LRP1B: variants seen among roughly 807,000 people sequenced by gnomAD.
LRP1B encodes the protein low-density lipoprotein receptor-related protein 1B.
A neutral mutation model predicts 556.6 loss-of-function variants in LRP1B; 217 were observed. The ratio of observed to expected loss-of-function variants is 0.39; its 90% CI spans 0.35 to 0.44. The LOEUF (loss-of-function observed/expected upper bound fraction) is 0.44. Among genes scored for constraint, LRP1B ranks in the 20% least tolerant of loss-of-function variants. LRP1B has a pLI of 1.00. For missense variants in LRP1B, 5,053 were observed against 5,620.8 expected, an observed-to-expected ratio of 0.90 and a Z score of 3.23; for synonymous variants, 2,047 against 1,865.8, an observed-to-expected ratio of 1.10 and a Z score of -2.50.
At chr2:141,094,299 A>G (rs1362898972) in intron 7 of LRP1B, among the ~76,000 whole-genome samples, 2 of 152,166 alleles carry the variant, frequency 1.3e-5, no homozygotes, top group African/African-American at 4.8e-5. Flanking sequence ...TAAACATAGT[A>G]TTTTAACCTT....
At chr2:142,014,884 C>A (rs1703071607) in intron 1 of LRP1B, among the ~76,000 whole-genome samples, 1 of 152,134 alleles carries the variant, frequency 6.6e-6, no homozygotes, top group Non-Finnish European at 1.5e-5. Context: ...GATATATTCA[C>A]TGACCCCTGG....
chr2:140,575,103 T>C (rs1426840653), intron 43 of LRP1B, among the ~76,000 whole-genome samples: 1 of 152,150 alleles, frequency 6.6e-6, no homozygotes, highest in African/African-American at 2.4e-5. Flanking sequence ...GCTTTATAAC[T>C]GAACATTACT....
chr2:140,306,503 C>T (rs1026812321), intron 83 of LRP1B, among the ~76,000 whole-genome samples: 24 of 151,830 alleles, frequency 1.6e-4, no homozygotes, highest in South Asian at 2.1e-4. Flanking sequence ...GGTGATATCC[C>T]CTTTATTGTT....
chr2:141,495,077 C>T lies in LRP1B; in HGVS notation c.206-14544G>A, dbSNP rs139263675. On this transcript the variant is annotated intron_variant, in intron 2 of 90. Transcript: ENST00000389484. ...AACTGTAACAATAGAAAGATTTTTC[C>T]GGTTATCTATGTTGTAGGCTATAAA... is the stretch of plus-strand genomic sequence containing the variant. 1.3e-4 allele frequency among the ~76,000 whole-genome samples: 19 copies of T among 151,964 alleles called. No homozygotes were observed. The South Asian group carries it at 1.7e-3, about 13-fold the overall frequency.
At chr2:142,019,948 A>T (rs1417877874) in intron 1 of LRP1B, among the ~76,000 whole-genome samples, 1 of 152,104 alleles carries the variant, frequency 6.6e-6, no homozygotes, top group Non-Finnish European at 1.5e-5. Flanking sequence ...CATGGCTACA[A>T]TTTCTAATTA....
At chr2:141,143,675 C>T (rs1701712186) in intron 7 of LRP1B, among the ~76,000 whole-genome samples, 1 of 152,102 alleles carries the variant, frequency 6.6e-6, no homozygotes, top group Admixed American at 6.6e-5. Context: ...TTCATCAGAA[C>T]TGCCTTTTCT....
At chr2:141,058,561 A>G (rs1442932139) in intron 9 of LRP1B, among the ~76,000 whole-genome samples, 2 of 151,996 alleles carry the variant, frequency 1.3e-5, no homozygotes, top group South Asian at 4.1e-4. Flanking sequence ...TTTGTCTACC[A>G]AAATGATATT....
At chr2:140,316,959 G>A (rs558990022) in intron 82 of LRP1B, among the ~76,000 whole-genome samples, 3 of 152,058 alleles carry the variant, frequency 2.0e-5, no homozygotes, top group Non-Finnish European at 2.9e-5. Context: ...TAAGCAAGTA[G>A]CATTCTTATT....
At chr2:140,304,804 C>A (rs1423597722) in intron 83 of LRP1B, among the ~76,000 whole-genome samples, 1 of 152,130 alleles carries the variant, frequency 6.6e-6, no homozygotes, top group Non-Finnish European at 1.5e-5. Context: ...ACGTTTAAGT[C>A]TTTAATCCAT....
rs1414191773 is a variant in LRP1B at position 141,058,939 on chromosome 2, A to T, written c.1352T>A (p.Ile451Asn). 2.5e-6 allele frequency: 4 copies of T among 1,600,638 alleles called. No homozygotes were observed. Among genetic ancestry groups the T allele is most frequent in the Non-Finnish European group, 3.4e-6 (4 of 1,174,212 alleles). ...GATTCCCCAAGCATTCTCAATTTTA[A>T]TTAATGAGTGAATATCAGTCCCATT... ...RFNGTDIHSL[I>N]KIENAWGIRI... The change falls in exon 9 of 91, where the codon ATT becomes AAT. Residue 451 changes from isoleucine (I) to asparagine (N), a missense_variant. This residue lies in a region of LRP1B where 3,619 missense variants were observed against 3,931.9 expected (regional missense o/e 0.92). Coordinates refer to ENST00000389484, the MANE Select transcript of LRP1B (RefSeq NM_018557.3).
chr2:140,583,175 T>TTC (rs1553491153), intron 43 of LRP1B, among the ~76,000 whole-genome samples: 8 of 137,528 alleles, frequency 5.8e-5, no homozygotes, highest in African/African-American at 2.2e-4. Flanking sequence ...TTTTTTCTTT[T>TTC]TTTTTTTTTT....
Position 141,473,314 on chromosome 2 carries a change from A to G in LRP1B, c.343+7082T>C, listed in dbSNP as rs180712402. On this transcript the variant is annotated intron_variant, in intron 3 of 90. Transcript: ENST00000389484. ...ACATATATATTTAGAGCAGTCCTCC[A>G]TAAGTGCACAATCCTAATTTCATGT... Among the ~76,000 whole-genome samples the G allele has an allele frequency of 3.3e-5, 5 of 152,346 alleles. No individual in the cohort carries two copies. The East Asian group carries it at 9.6e-4, about 29-fold the overall frequency.
At chr2:141,206,541 C>A (rs113585919) in intron 6 of LRP1B, among the ~76,000 whole-genome samples, 7 of 151,838 alleles carry the variant, frequency 4.6e-5, no homozygotes, top group African/African-American at 1.7e-4. Flanking sequence ...GAGCCGAGAT[C>A]GTGCCACTGC....
chr2:142,130,538 G>A, intron 1 of LRP1B, 110 bp downstream of exon 1: 3 of 898,922 alleles, frequency 3.3e-6, no homozygotes, highest in Non-Finnish European at 5.1e-6. Flanking sequence ...ACCCGGTCCC[G>A]GGGAGCGGAG....
intron 66 of LRP1B, among the ~76,000 whole-genome samples, chr2:140,388,680 AG>A (rs2105204608): frequency 2.0e-5 from 3 of 152,338 alleles, no homozygotes; most frequent in African/African-American, 7.2e-5. Context: ...CAAACGACAT[AG>A]CATTGTTCTG....
At chr2:141,377,892 C>T (rs1036164729) in intron 3 of LRP1B, among the ~76,000 whole-genome samples, 3 of 151,984 alleles carry the variant, frequency 2.0e-5, no homozygotes, top group African/African-American at 7.2e-5. Flanking sequence ...CACTAAATGC[C>T]TCCTATATAA....
intron 2 of LRP1B, among the ~76,000 whole-genome samples, chr2:141,725,780 G>T (rs1013059398): frequency 6.6e-6 from 1 of 151,564 alleles, no homozygotes; most frequent in African/African-American, 2.4e-5. Context: ...ACAGGGCTTT[G>T]CATCAGTGTA....
rs113737004 is a variant in LRP1B, at chr2:140,264,115, G to A, written c.13247+6127C>T. ...TCTGTTCATTCACATGGCCATCACT[G>A]TGTGTACAATGTGTCTGATACTTCC... On this transcript the variant is annotated intron_variant, in intron 86 of 90. Transcript: ENST00000389484. Among the ~76,000 whole-genome samples the A allele has an allele frequency of 2.5e-3, 383 of 152,232 alleles. 1 individual carries two copies. The highest frequency in any genetic ancestry group is 4.5e-3 in the Non-Finnish European group (304 of 68,010).
At chr2:141,515,886 T>G (rs1684297264) in intron 2 of LRP1B, among the ~76,000 whole-genome samples, 1 of 152,170 alleles carries the variant, frequency 6.6e-6, no homozygotes, top group African/African-American at 2.4e-5. Context: ...GAACGGTGGG[T>G]TTACATCTAT....
Sources: allele counts gnomAD v4.1 joint callset (sites outside exome capture counted in the v4.1 genomes callset), GRCh38; gene constraint gnomAD v4.1.1; regional missense constraint gnomAD v4.1.1; transcripts MANE v1.5; gene names NCBI Gene and HGNC (gene_info 2026-07-23, HGNC 2026-07-21).